TAFA5: variants seen among roughly 807,000 people sequenced by gnomAD.
TAFA5 encodes the protein TAFA chemokine like family member 5.
Under a neutral mutation model 15.3 loss-of-function variants are expected in TAFA5, and 6 were observed. The ratio of observed to expected loss-of-function variants is 0.39; its 90% confidence interval spans 0.21 to 0.77. TAFA5 has a LOEUF of 0.77. Ranked by LOEUF, TAFA5 falls within the 30% of genes least tolerant of loss-of-function variation. The pLI is 0.41. For synonymous variants in TAFA5, 103 were observed against 80.7 expected (o/e 1.28, Z -1.48); for missense variants, 161 against 193.1 (o/e 0.83, Z 0.98).
chr22:48,592,054 C>T (rs181734290), intron 1 of TAFA5, among the ~76,000 whole-genome samples: 8 of 152,260 alleles, frequency 5.3e-5, no homozygotes, highest in East Asian at 1.9e-4. Flanking sequence ...CGGCAGGAGG[C>T]GGGGGGTCCC....
chr22:48,708,603 C>G (rs1929156634), intron 3 of TAFA5, among the ~76,000 whole-genome samples: 1 of 152,216 alleles, frequency 6.6e-6, no homozygotes, highest in Non-Finnish European at 1.5e-5. Context: ...CATGAGGTGG[C>G]CTCAACTCCT....
chr22:48,503,234 G>A (rs897084243), intron 1 of TAFA5, among the ~76,000 whole-genome samples: 2 of 152,242 alleles, frequency 1.3e-5, no homozygotes, highest in African/African-American at 4.8e-5. Context: ...TGCTGCCCCT[G>A]GGAAGGACCT....
intron 1 of TAFA5, among the ~76,000 whole-genome samples, chr22:48,600,548 G>A (rs1157991458): frequency 1.7e-5 from 2 of 117,668 alleles, no homozygotes; most frequent in African/African-American, 6.9e-5. Context: ...GACTTTGCGT[G>A]TGTCTGTACG....
intron 1 of TAFA5, among the ~76,000 whole-genome samples, chr22:48,590,545 C>T (rs1264166227): frequency 3.3e-5 from 5 of 152,132 alleles, no homozygotes; most frequent in East Asian, 3.9e-4. Context: ...TGTGGCTTCT[C>T]GAGCATCTCC....
chr22:48,681,206 C>A (rs1018505256), intron 2 of TAFA5, among the ~76,000 whole-genome samples: 1 of 152,180 alleles, frequency 6.6e-6, no homozygotes, highest in Non-Finnish European at 1.5e-5. Flanking sequence ...CCCATCGCAG[C>A]TGTAACCAAG....
chr22:48,576,549 C>T (rs759814239), intron 1 of TAFA5: 4 of 1,514,006 alleles, frequency 2.6e-6, no homozygotes, highest in African/African-American at 1.4e-5. Context: ...TCCTAGTGAT[C>T]CACGCGCAGT....
In TAFA5 at chr22:48,749,952, G is replaced by T. The variant is rs542119204; in HGVS notation, c.*105G>T. The T allele has an allele frequency of 5.4e-6, 6 of 1,105,898 alleles. No homozygotes were observed. The highest frequency in any genetic ancestry group is 4.6e-5 in the African/African-American group (3 of 64,570). The allele number at this position is 1,105,898 out of a possible 1,614,324, so 68.5% of individuals were successfully genotyped here. Reference sequence around the variant, plus strand: ...CCTCGGACTTCACCCGTTCTCTGCCGCCCGCCCACTCCGTTTCCCTGTGGT... The same window carrying T: ...CCTCGGACTTCACCCGTTCTCTGCCTCCCGCCCACTCCGTTTCCCTGTGGT... On this transcript the variant is annotated 3_prime_UTR_variant, in exon 4 of 4. Transcript: ENST00000402357.
intron 2 of TAFA5, among the ~76,000 whole-genome samples, chr22:48,687,157 T>A (rs926327830): frequency 7.3e-5 from 11 of 150,974 alleles, no homozygotes; most frequent in Non-Finnish European, 1.5e-4. Flanking sequence ...GATGGATTGG[T>A]GGAGGGTGGG....
intron 2 of TAFA5, among the ~76,000 whole-genome samples, chr22:48,647,403 G>A (rs191578877): frequency 9.9e-5 from 15 of 152,236 alleles, no homozygotes; most frequent in South Asian, 2.1e-4. Flanking sequence ...CTGTCCCGGC[G>A]TCTGGTGGGA....
At chr22:48,537,689 C>G (rs781128248) in intron 1 of TAFA5, among the ~76,000 whole-genome samples, 1 of 152,132 alleles carries the variant, frequency 6.6e-6, no homozygotes, top group African/African-American at 2.4e-5. Context: ...CAGCCAGGGT[C>G]CTGCAGCTCT....
intron 2 of TAFA5, among the ~76,000 whole-genome samples, chr22:48,676,661 G>A (rs1342778155): frequency 6.6e-6 from 1 of 152,210 alleles, no homozygotes; most frequent in Admixed American, 6.5e-5. Context: ...TGAGATAGCT[G>A]GAGCCACCCT....
At chr22:48,600,115 G>C (rs1222596037) in intron 1 of TAFA5, among the ~76,000 whole-genome samples, 3 of 152,146 alleles carry the variant, frequency 2.0e-5, no homozygotes, top group Non-Finnish European at 4.4e-5. Context: ...GCTGAGTGTG[G>C]CCCCCCGAGG....
intron 1 of TAFA5, chr22:48,576,417 C>G: frequency 8.7e-6 from 11 of 1,265,928 alleles, no homozygotes; most frequent in South Asian, 2.9e-5. Flanking sequence ...CGGCGGGGCG[C>G]TGATGCGGCG....
intron 2 of TAFA5, among the ~76,000 whole-genome samples, chr22:48,698,755 G>A (rs915587441): frequency 5.4e-4 from 82 of 150,704 alleles, no homozygotes; most frequent in African/African-American, 1.8e-3. Context: ...CCTCCCTTCC[G>A]CAGCCTCGGG....
chr22:48,584,924 C>T (rs1347288739), intron 1 of TAFA5, among the ~76,000 whole-genome samples: 1 of 148,344 alleles, frequency 6.7e-6, no homozygotes, highest in African/African-American at 2.5e-5. Flanking sequence ...CACACACACA[C>T]ACACAAAATA....
chr22:48,750,720 G>GT lies in TAFA5; in HGVS notation c.*874dup, dbSNP rs2147280986. The GT allele has an allele frequency of 6.5e-6, 1 of 153,126 alleles. No homozygotes were observed. The highest frequency in any genetic ancestry group is 6.5e-5 in the Admixed American group (1 of 15,312). The allele number at this position is 153,126 out of a possible 1,614,324, so 9.5% of individuals were successfully genotyped here. A position where few individuals can be genotyped will look rare whatever the true frequency, so the allele number is the denominator to read the frequency against. The stretch of plus-strand genomic sequence containing the variant: ...CTGCCAAGAGCATGTTGGGTCTCCC[G>GT]TGACTGCTGCCTCATCGATACCCCA... On this transcript the variant is annotated 3_prime_UTR_variant, in exon 4 of 4. Coordinates refer to ENST00000402357, the MANE Select transcript of TAFA5 (RefSeq NM_001082967.3).
chr22:48,605,282 ATGT>A (rs767833298), intron 1 of TAFA5, among the ~76,000 whole-genome samples: 32 of 9,006 alleles, frequency 3.6e-3, no homozygotes, highest in African/African-American at 7.8e-3. Flanking sequence ...GATGGTGATG[ATGT>A]TGTTAATGGT....
chr22:48,535,257 A>T (rs1922115137), intron 1 of TAFA5, among the ~76,000 whole-genome samples: 2 of 151,810 alleles, frequency 1.3e-5, no homozygotes, highest in South Asian at 4.1e-4. Context: ...GTGTCTTTTC[A>T]TCCACACACA....
intron 1 of TAFA5, among the ~76,000 whole-genome samples, chr22:48,540,307 G>A (rs1922318961): frequency 1.3e-5 from 2 of 152,130 alleles, no homozygotes; most frequent in African/African-American, 2.4e-5. Context: ...GCGGTGGGGG[G>A]AGGTGGATCC....
Sources: allele counts gnomAD v4.1 joint callset (sites outside exome capture counted in the v4.1 genomes callset), GRCh38; gene constraint gnomAD v4.1.1; transcripts MANE v1.5; gene names NCBI Gene and HGNC (gene_info 2026-07-23, HGNC 2026-07-21).